The following GABRB1 variants were observed in gnomAD, a reference collection of about 807,000 sequenced individuals.
GABRB1 encodes the protein gamma-aminobutyric acid type A receptor subunit beta1.
GABRB1 carries 17 observed loss-of-function variants against 51.6 expected under a neutral mutation model. The ratio of observed to expected loss-of-function variants is 0.33; its 90% CI spans 0.23 to 0.49. GABRB1 has a LOEUF of 0.49. Among genes scored for constraint, GABRB1 ranks in the 20% least tolerant of loss-of-function variants. The pLI is 0.99. For missense variants in GABRB1, 410 were observed against 600.6 expected, an observed-to-expected ratio of 0.68 and a Z score of 3.32; for synonymous variants, 247 against 218.9, an observed-to-expected ratio of 1.13 and a Z score of -1.14.
chr4:47,258,325 T>C (rs1260705598), intron 4 of GABRB1, among the ~76,000 whole-genome samples: 1 of 152,132 alleles, frequency 6.6e-6, no homozygotes, highest in Non-Finnish European at 1.5e-5. Flanking sequence ...CATATACTCT[T>C]AGGAGTTTTC....
At chr4:47,038,438 T>G (rs868316637) in intron 3 of GABRB1, among the ~76,000 whole-genome samples, 1 of 152,246 alleles carries the variant, frequency 6.6e-6, no homozygotes. Flanking sequence ...ATTGGAATTA[T>G]TTCTATGTGG....
intron 5 of GABRB1, among the ~76,000 whole-genome samples, chr4:47,375,811 A>G (rs1271639735): frequency 1.3e-5 from 2 of 152,204 alleles, no homozygotes. Flanking sequence ...AAAAGCAAAT[A>G]TTGATAATAT....
intron 5 of GABRB1, among the ~76,000 whole-genome samples, chr4:47,330,196 A>T (rs1725427264): frequency 6.6e-6 from 1 of 152,174 alleles, no homozygotes; most frequent in Non-Finnish European, 1.5e-5. Flanking sequence ...AACTGGTTGG[A>T]TGACGCTCAC....
At chr4:47,209,675 T>A (rs568805184) in intron 4 of GABRB1, among the ~76,000 whole-genome samples, 1 of 151,994 alleles carries the variant, frequency 6.6e-6, no homozygotes, top group African/African-American at 2.4e-5. Flanking sequence ...TGTTCTATCA[T>A]AGATGTACAA....
At chr4:47,226,948 C>T (rs116237544) in intron 4 of GABRB1, among the ~76,000 whole-genome samples, 29 of 152,266 alleles carry the variant, frequency 1.9e-4, no homozygotes, top group African/African-American at 6.5e-4. Flanking sequence ...ATAATAACCA[C>T]TGTTGTCATA....
At chr4:47,242,061 G>A (rs542657057) in intron 4 of GABRB1, among the ~76,000 whole-genome samples, 9 of 144,518 alleles carry the variant, frequency 6.2e-5, no homozygotes, top group Non-Finnish European at 7.6e-5. Context: ...GACAGGCCCC[G>A]GTGTGTGATG....
At chr4:47,189,536 G>A (rs970602074) in intron 4 of GABRB1, among the ~76,000 whole-genome samples, 1 of 151,738 alleles carries the variant, frequency 6.6e-6, no homozygotes, top group African/African-American at 2.4e-5. Flanking sequence ...AAGTAGAATT[G>A]TGTCTCTGCA....
At chr4:47,340,576 G>A (rs1560341258) in intron 5 of GABRB1, among the ~76,000 whole-genome samples, 1 of 152,042 alleles carries the variant, frequency 6.6e-6, no homozygotes, top group Non-Finnish European at 1.5e-5. Flanking sequence ...CTCTCACATG[G>A]CAGAAGGGAT....
intron 5 of GABRB1, among the ~76,000 whole-genome samples, chr4:47,370,434 C>G (rs889639890): frequency 3.3e-5 from 5 of 151,076 alleles, no homozygotes; most frequent in Middle Eastern, 3.4e-3. Context: ...TCATAGTAAG[C>G]TGAGATCGCG....
intron 8 of GABRB1, among the ~76,000 whole-genome samples, chr4:47,412,879 C>G (rs763992451): frequency 1.6e-4 from 25 of 152,186 alleles, no homozygotes; most frequent in Non-Finnish European, 1.3e-4. Flanking sequence ...CTGGTTAAGG[C>G]TAGATGTGCC....
chr4:47,019,549 TTCTCTCTCTCTC>T (rs142639522), intron 1 of GABRB1, among the ~76,000 whole-genome samples: 2 of 128,820 alleles, frequency 1.6e-5, no homozygotes, highest in Non-Finnish European at 3.2e-5. Context: ...CAGGTTTAGT[TTCTCTCTCTCTC>T]TCTCTCTCTC....
chr4:47,363,795 G>A (rs1726886964), intron 5 of GABRB1, among the ~76,000 whole-genome samples: 1 of 152,164 alleles, frequency 6.6e-6, no homozygotes. Flanking sequence ...CCATCTGGCA[G>A]TCATGGTACT....
chr4:47,237,884 A>T (rs1289069632), intron 4 of GABRB1, among the ~76,000 whole-genome samples: 1 of 152,032 alleles, frequency 6.6e-6, no homozygotes, highest in South Asian at 2.1e-4. Flanking sequence ...AAATACATTG[A>T]TTCTTTTTAT....
chr4:47,190,694 G>A (rs1052166156), intron 4 of GABRB1, among the ~76,000 whole-genome samples: 1 of 152,126 alleles, frequency 6.6e-6, no homozygotes, highest in African/African-American at 2.4e-5. Context: ...TTAAACCTCA[G>A]CCAATTTGAC....
intron 3 of GABRB1, among the ~76,000 whole-genome samples, chr4:47,150,182 A>AACACACACAC (rs36209473): frequency 7.1e-6 from 1 of 141,508 alleles, no homozygotes; most frequent in Non-Finnish European, 1.6e-5. Context: ...ACACACACAC[A>AACACACACAC]ACACACACAC....
At chr4:47,098,477 A>G (rs1287593722) in intron 3 of GABRB1, among the ~76,000 whole-genome samples, 1 of 152,122 alleles carries the variant, frequency 6.6e-6, no homozygotes, top group Non-Finnish European at 1.5e-5. Flanking sequence ...GGGTTTCTAC[A>G]AAATGTTATT....
At chr4:47,007,360 A>T (rs1309183203) in intron 1 of GABRB1, among the ~76,000 whole-genome samples, 1 of 152,196 alleles carries the variant, frequency 6.6e-6, no homozygotes, top group East Asian at 1.9e-4. Flanking sequence ...CTCAATTAAT[A>T]GCTTAAAAAA....
chr4:47,040,792 G>T (rs1294857313), intron 3 of GABRB1, among the ~76,000 whole-genome samples: 1 of 152,100 alleles, frequency 6.6e-6, no homozygotes, highest in Non-Finnish European at 1.5e-5. Flanking sequence ...GGGAGAAAGG[G>T]TGCTGGGCAA....
rs188441033 is a variant in GABRB1 at position 47,367,392 on chromosome 4, T to C, written c.545-35926T>C. Among the ~76,000 whole-genome samples the C allele has an allele frequency of 3.4e-3, 518 of 152,300 alleles. 2 individuals are homozygous for C. The highest frequency in any genetic ancestry group is 4.0e-3 in the Non-Finnish European group (274 of 68,024). ...CAGAAAATAGAAATTCAATAAGTAA[T>C]TTATGGCTAAAGTCAAAGCTTATTC... On this transcript the variant is annotated intron_variant, in intron 5 of 8. Coordinates refer to ENST00000295454, the MANE Select transcript of GABRB1 (RefSeq NM_000812.4).
Sources: allele counts gnomAD v4.1 joint callset (sites outside exome capture counted in the v4.1 genomes callset), GRCh38; gene constraint gnomAD v4.1.1; transcripts MANE v1.5; gene names NCBI Gene and HGNC (gene_info 2026-07-23, HGNC 2026-07-21).